Variants in NRXN1 observed in about 807,000 individuals in gnomAD.
NRXN1 encodes the protein neurexin-1.
A neutral mutation model predicts 150.9 loss-of-function variants in NRXN1; 39 were observed. The ratio of observed to expected loss-of-function variants is 0.26; its 90% CI spans 0.20 to 0.34. The LOEUF (loss-of-function observed/expected upper bound fraction) is 0.34, where lower values mean the gene tolerates loss of function less well. Ranked by LOEUF, NRXN1 falls within the 10% of genes least tolerant of loss-of-function variation. The pLI, the probability that NRXN1 is intolerant of heterozygous loss-of-function variation, is 1.00. For missense variants in NRXN1, 1,815 were observed against 1,949.9 expected, an observed-to-expected ratio of 0.93 and a Z score of 1.30; for synonymous variants, 924 against 757.0, an observed-to-expected ratio of 1.22 and a Z score of -3.62.
At chr2:49,946,649 T>A (rs1014306048) in intron 21 of NRXN1, among the ~76,000 whole-genome samples, 1 of 152,092 alleles carries the variant, frequency 6.6e-6, no homozygotes, top group Non-Finnish European at 1.5e-5. Context: ...AATCCTTTCC[T>A]CATTCCTTGT....
At chr2:50,140,940 T>C (rs1707185255) in intron 18 of NRXN1, among the ~76,000 whole-genome samples, 1 of 152,038 alleles carries the variant, frequency 6.6e-6, no homozygotes, top group Non-Finnish European at 1.5e-5. Flanking sequence ...CAAAAAATTA[T>C]ATTCATATGT....
chr2:50,282,793 G>A (rs1226412552), intron 17 of NRXN1, among the ~76,000 whole-genome samples: 1 of 152,100 alleles, frequency 6.6e-6, no homozygotes, highest in Non-Finnish European at 1.5e-5. Context: ...ACTAATTGGA[G>A]CAGCAAAATA....
intron 17 of NRXN1, among the ~76,000 whole-genome samples, chr2:50,240,628 T>A (rs1025940658): frequency 6.6e-6 from 1 of 151,676 alleles, no homozygotes; most frequent in Non-Finnish European, 1.5e-5. Context: ...AGCTTAGAGA[T>A]TAAGAATGTA....
intron 19 of NRXN1, among the ~76,000 whole-genome samples, chr2:50,069,428 A>C (rs1297255167): frequency 5.3e-5 from 8 of 152,218 alleles, no homozygotes; most frequent in African/African-American, 1.9e-4. Context: ...TTGTTAAAAC[A>C]TGGTGATTGT....
intron 8 of NRXN1, among the ~76,000 whole-genome samples, chr2:50,614,654 T>C (rs1425402590): frequency 8.0e-6 from 1 of 125,724 alleles, no homozygotes; most frequent in Non-Finnish European, 1.6e-5. Flanking sequence ...TATATATATA[T>C]ATATAAAATA....
chr2:50,660,044 CA>C (rs898463160), intron 5 of NRXN1, among the ~76,000 whole-genome samples: 1 of 151,926 alleles, frequency 6.6e-6, no homozygotes, highest in Non-Finnish European at 1.5e-5. Flanking sequence ...GCTTGGTGTT[CA>C]GGGGGCACTA....
chr2:49,980,763 A>C (rs1679862922), intron 21 of NRXN1, among the ~76,000 whole-genome samples: 1 of 152,130 alleles, frequency 6.6e-6, no homozygotes, highest in East Asian at 1.9e-4. Context: ...GCAGATATAC[A>C]GGCAATGTCA....
intron 5 of NRXN1, among the ~76,000 whole-genome samples, chr2:50,822,377 C>T (rs946333999): frequency 2.0e-5 from 3 of 152,080 alleles, no homozygotes; most frequent in African/African-American, 7.2e-5. Flanking sequence ...ACCACTGATT[C>T]ACAATTTCTA....
intron 19 of NRXN1, among the ~76,000 whole-genome samples, chr2:50,085,815 T>G (rs1036526548): frequency 6.6e-5 from 10 of 152,184 alleles, no homozygotes; most frequent in African/African-American, 2.4e-4. Context: ...TGACATCGAC[T>G]GATACAGTTA....
At chr2:50,345,517 C>G (rs1462203891) in intron 17 of NRXN1, among the ~76,000 whole-genome samples, 2 of 152,182 alleles carry the variant, frequency 1.3e-5, no homozygotes, top group East Asian at 3.9e-4. Flanking sequence ...AAAGTGCCCA[C>G]AACTTTCACT....
intron 18 of NRXN1, among the ~76,000 whole-genome samples, chr2:50,211,079 T>C (rs1248006629): frequency 6.6e-6 from 1 of 151,586 alleles, no homozygotes. Context: ...AATGTGGACA[T>C]ACCAAACTGA....
chr2:50,192,911 C>T (rs1574422952), intron 18 of NRXN1, among the ~76,000 whole-genome samples: 1 of 152,260 alleles, frequency 6.6e-6, no homozygotes, highest in East Asian at 1.9e-4. Context: ...GCCACCCGCC[C>T]CACAGGAAGA....
At chr2:49,948,047 C>T (rs1217376044) in intron 21 of NRXN1, among the ~76,000 whole-genome samples, 1 of 151,986 alleles carries the variant, frequency 6.6e-6, no homozygotes, top group Non-Finnish European at 1.5e-5. Flanking sequence ...TATCAAAATA[C>T]AGTAGCTACA....
intron 5 of NRXN1, among the ~76,000 whole-genome samples, chr2:50,633,238 C>A (rs1299441344): frequency 6.6e-6 from 1 of 151,986 alleles, no homozygotes; most frequent in Non-Finnish European, 1.5e-5. Flanking sequence ...GTCAAGTGAA[C>A]TTGGAACATT....
chr2:50,721,151 G>A (rs749118238), intron 5 of NRXN1, among the ~76,000 whole-genome samples: 10 of 151,782 alleles, frequency 6.6e-5, no homozygotes, highest in South Asian at 2.1e-4. Flanking sequence ...TGGACTCTTC[G>A]GCTTCCAAGG....
intron 2 of NRXN1, among the ~76,000 whole-genome samples, chr2:50,985,143 T>C (rs1697490990): frequency 6.6e-6 from 1 of 151,934 alleles, no homozygotes; most frequent in African/African-American, 2.4e-5. Context: ...GTGAAGTAAA[T>C]CTGTAGATTA....
chr2:50,254,054 T>C (rs1017195668), intron 17 of NRXN1, among the ~76,000 whole-genome samples: 5 of 151,992 alleles, frequency 3.3e-5, no homozygotes, highest in African/African-American at 9.7e-5. Context: ...TGGGCTTCTT[T>C]TGGTTGGTAG....
intron 17 of NRXN1, among the ~76,000 whole-genome samples, chr2:50,421,742 C>G (rs1276597629): frequency 6.6e-6 from 1 of 152,088 alleles, no homozygotes; most frequent in East Asian, 1.9e-4. Flanking sequence ...AAACAAAGTG[C>G]ATACTGCAAG....
At chr2:50,506,719 G>A (rs532573203) in intron 12 of NRXN1, 102 bp from the exon 13 acceptor site, 16 of 1,121,550 alleles carry the variant, frequency 1.4e-5, no homozygotes, top group East Asian at 7.7e-5. Context: ...AGGTGAGGGA[G>A]AGAGAGGAGA....
Sources: allele counts gnomAD v4.1 joint callset (sites outside exome capture counted in the v4.1 genomes callset), GRCh38; gene constraint gnomAD v4.1.1; transcripts MANE v1.5; gene names NCBI Gene and HGNC (gene_info 2026-07-23, HGNC 2026-07-21).